Variants in CCDC50 observed in about 807,000 individuals in gnomAD.
CCDC50 encodes the protein coiled-coil domain containing 50, also known as coiled-coil domain-containing protein 50.
CCDC50 carries 54 observed loss-of-function variants against 70.2 expected under a neutral mutation model. That is an observed-to-expected ratio of 0.77 (90% CI 0.62 to 0.96). The LOEUF (loss-of-function observed/expected upper bound fraction) is 0.96. Among genes scored for constraint, CCDC50 ranks in the 50% least tolerant of loss-of-function variants. The probability of loss-of-function intolerance (pLI) is 0.00; values close to 1 mark genes in which losing one functional copy is unlikely to be tolerated. For missense variants in CCDC50, 558 were observed against 578.7 expected (o/e 0.96, Z 0.37); for synonymous variants, 216 against 198.8 (o/e 1.09, Z -0.73).
intron 10 of CCDC50, among the ~76,000 whole-genome samples, chr3:191,386,238 TTTTTG>T (rs1234189223): frequency 9.2e-6 from 1 of 108,772 alleles, no homozygotes; most frequent in East Asian, 2.2e-4. Context: ...TTTTTTTTTT[TTTTTG>T]AGACGGAGTC....
chr3:191,395,803 T>G lies in CCDC50; in HGVS notation c.*4043T>G, dbSNP rs2108681738. The stretch of plus-strand genomic sequence containing the variant: ...TACTTTGTCTATTACTTACTGCTCA[T>G]AGAGAAGTGACTATATAAAATGGTC... On this transcript the variant is annotated 3_prime_UTR_variant, in exon 12 of 12. Coordinates refer to ENST00000392455, the MANE Select transcript of CCDC50 (RefSeq NM_178335.3). The G allele has an allele frequency of 1.3e-5, 2 of 152,342 alleles. 1 individual carries two copies. Among genetic ancestry groups the G allele is most frequent in the African/African-American group, 4.8e-5 (2 of 41,592 alleles). The allele number at this position is 152,342 out of a possible 1,614,324, so 9.4% of individuals were successfully genotyped here. A position where few individuals can be genotyped will look rare whatever the true frequency, so the allele number is the denominator to read the frequency against.
chr3:191,329,789 A>T, intron 1 of CCDC50, 66 bp downstream of exon 1: 1 of 1,545,324 alleles, frequency 6.5e-7, no homozygotes, highest in Non-Finnish European at 8.8e-7. Flanking sequence ...CTCTCAGGTC[A>T]GGGGCGTTGC....
At chr3:191,340,647 GA>G (rs1307724493) in intron 1 of CCDC50, among the ~76,000 whole-genome samples, 1 of 152,096 alleles carries the variant, frequency 6.6e-6, no homozygotes, top group Admixed American at 6.5e-5. Context: ...ACATTCAGCT[GA>G]AAAAGTTTGG....
chr3:191,370,152 C>G (rs778855462), intron 5 of CCDC50, 116 bp downstream of exon 5: 9 of 751,776 alleles, frequency 1.2e-5, no homozygotes, highest in Non-Finnish European at 2.2e-5. Flanking sequence ...TATCCCCAGG[C>G]ACTGGGTACA....
chr3:191,378,657 G>T (rs1576971189), intron 6 of CCDC50, among the ~76,000 whole-genome samples: 1 of 151,618 alleles, frequency 6.6e-6, no homozygotes, highest in East Asian at 1.9e-4. Flanking sequence ...TGCCTTCCTA[G>T]TTCTGACTAA....
chr3:191,365,213 A>G (rs1576962914), intron 4 of CCDC50, among the ~76,000 whole-genome samples: 2 of 151,940 alleles, frequency 1.3e-5, no homozygotes, highest in East Asian at 3.9e-4. Context: ...AGTTTGTGGC[A>G]CTAGTTTAAC....
intron 11 of CCDC50, among the ~76,000 whole-genome samples, chr3:191,390,358 T>C (rs535806067): frequency 4.1e-5 from 1 of 24,328 alleles, no homozygotes; most frequent in South Asian, 9.1e-4. Flanking sequence ...GGACGAAACC[T>C]TTAAAATTTG....
intron 4 of CCDC50, among the ~76,000 whole-genome samples, chr3:191,362,702 C>T (rs1712535376): frequency 6.6e-6 from 1 of 152,270 alleles, no homozygotes; most frequent in South Asian, 2.1e-4. Flanking sequence ...TCAGGGTCAT[C>T]AGTAAACAGC....
chr3:191,380,407 C>A lies in CCDC50; in HGVS notation c.1092+133C>A, dbSNP rs948080244. 1.1e-5 allele frequency: 8 copies of A among 733,884 alleles called. No individual in the cohort carries two copies. The African/African-American group carries it at 1.4e-4, about 13-fold the overall frequency. The allele number at this position is 733,884 out of a possible 1,614,324, so 45.5% of individuals were successfully genotyped here. A position where few individuals can be genotyped will look rare whatever the true frequency, so the allele number is the denominator to read the frequency against. On this transcript the variant is annotated intron_variant, in intron 7 of 11. Coordinates refer to ENST00000392455, the MANE Select transcript of CCDC50 (RefSeq NM_178335.3). ...TTTTTTATGAGTGGAAAAATCATGA[C>A]AATAGGAATAGAGTATCCACTTTTG... is the stretch of plus-strand genomic sequence containing the variant.
chr3:191,391,623 T>C, intron 11 of CCDC50, 118 bp from the exon 12 acceptor site: 1 of 879,704 alleles, frequency 1.1e-6, no homozygotes, highest in Non-Finnish European at 1.9e-6. Flanking sequence ...CAATCAAGAA[T>C]AAAGTACTAT....
chr3:191,371,764 T>C (rs1712920823), intron 5 of CCDC50, among the ~76,000 whole-genome samples: 1 of 152,200 alleles, frequency 6.6e-6, no homozygotes, highest in Non-Finnish European at 1.5e-5. Context: ...CTTCTCTTTT[T>C]TGATAGCCAT....
intron 1 of CCDC50, 82 bp downstream of exon 1, chr3:191,329,805 C>A: frequency 2.1e-6 from 3 of 1,443,384 alleles, no homozygotes; most frequent in Non-Finnish European, 1.9e-6. Flanking sequence ...GTTGCCATTT[C>A]GGCTCCCGCG....
intron 1 of CCDC50, among the ~76,000 whole-genome samples, chr3:191,349,988 T>C (rs74528102): frequency 2.4e-5 from 3 of 125,882 alleles, no homozygotes; most frequent in African/African-American, 5.4e-5. Context: ...CCTTTTTTTT[T>C]CCTGATACTC....
intron 6 of CCDC50, among the ~76,000 whole-genome samples, chr3:191,377,522 C>T (rs1433297562): frequency 4.6e-5 from 7 of 152,054 alleles, no homozygotes; most frequent in African/African-American, 9.7e-5. Context: ...CTTAATGGCT[C>T]ATCATTTTCT....
At chr3:191,377,808 G>A (rs1713171067) in intron 6 of CCDC50, among the ~76,000 whole-genome samples, 1 of 152,064 alleles carries the variant, frequency 6.6e-6, no homozygotes, top group South Asian at 2.1e-4. Flanking sequence ...CCATCTGAAG[G>A]ATGATGAACA....
chr3:191,336,360 C>T (rs1232368561), intron 1 of CCDC50, among the ~76,000 whole-genome samples: 3 of 151,926 alleles, frequency 2.0e-5, no homozygotes, highest in African/African-American at 2.4e-5. Context: ...TAATTTTAAC[C>T]ATTTGAGCAA....
chr3:191,369,678 T>A (rs764568978), intron 4 of CCDC50, among the ~76,000 whole-genome samples: 45 of 152,334 alleles, frequency 3.0e-4, no homozygotes, highest in Middle Eastern at 3.4e-3. Flanking sequence ...GAGTTTTGAA[T>A]GTCTTCCATG....
chr3:191,364,917 A>AC (rs1712629022), intron 4 of CCDC50, among the ~76,000 whole-genome samples: 1 of 151,912 alleles, frequency 6.6e-6, no homozygotes, highest in Non-Finnish European at 1.5e-5. Context: ...AGTTTCTCGA[A>AC]TATGGTAGTT....
intron 1 of CCDC50, among the ~76,000 whole-genome samples, chr3:191,340,401 A>G (rs1489057416): frequency 2.0e-5 from 3 of 152,250 alleles, no homozygotes; most frequent in African/African-American, 7.2e-5. Context: ...TTTAGCAGAA[A>G]GCTTTTACTA....
Sources: allele counts gnomAD v4.1 joint callset (sites outside exome capture counted in the v4.1 genomes callset), GRCh38; gene constraint gnomAD v4.1.1; transcripts MANE v1.5; gene names NCBI Gene and HGNC (gene_info 2026-07-23, HGNC 2026-07-21).